Variants in SH3KBP1 observed in about 807,000 individuals in gnomAD.
SH3KBP1 encodes the protein SH3 domain containing kinase binding protein 1.
SH3KBP1 carries 8 observed loss-of-function variants against 50.1 expected under a neutral mutation model. The ratio of observed to expected loss-of-function variants is 0.16; its 90% CI spans 0.09 to 0.29. The LOEUF (loss-of-function observed/expected upper bound fraction) is 0.29. Among genes scored for constraint, SH3KBP1 ranks in the 10% least tolerant of loss-of-function variants. The probability of loss-of-function intolerance (pLI) is 1.00; values close to 1 mark genes in which losing one functional copy is unlikely to be tolerated. For missense variants in SH3KBP1, 377 were observed against 535.2 expected, an observed-to-expected ratio of 0.70 and a Z score of 2.92; for synonymous variants, 227 against 218.6, an observed-to-expected ratio of 1.04 and a Z score of -0.34.
intron 6 of SH3KBP1, among the ~76,000 whole-genome samples, chrX:19,666,022 G>A (rs1353889648): frequency 9.2e-6 from 1 of 108,809 alleles, no homozygotes; most frequent in Non-Finnish European, 1.9e-5. Context: ...ATTAATACAA[G>A]TAAAGAACAA....
At chrX:19,703,303 A>G (rs2063568845) in intron 4 of SH3KBP1, among the ~76,000 whole-genome samples, 1 of 110,981 alleles carries the variant, frequency 9.0e-6, no homozygotes, top group Admixed American at 9.6e-5. Flanking sequence ...GGAGGGATAA[A>G]GGTAATGATC....
intron 1 of SH3KBP1, among the ~76,000 whole-genome samples, chrX:19,876,465 A>G (rs1033693923): frequency 1.2e-4 from 13 of 111,819 alleles, no homozygotes; most frequent in African/African-American, 4.2e-4. Flanking sequence ...AGGACAATAG[A>G]GCAGTCTCCT....
At chrX:19,875,574 G>A (rs926153540) in intron 1 of SH3KBP1, among the ~76,000 whole-genome samples, 1 of 112,437 alleles carries the variant, frequency 8.9e-6, no homozygotes, top group Admixed American at 9.3e-5. Flanking sequence ...GGCTTCATTT[G>A]GGTCCTCCAT....
intron 1 of SH3KBP1, among the ~76,000 whole-genome samples, chrX:19,860,833 T>A (rs986003986): frequency 9.0e-6 from 1 of 111,446 alleles, no homozygotes; most frequent in Non-Finnish European, 1.9e-5. Flanking sequence ...AGGACCTTAG[T>A]GGAAACCCTG....
At chrX:19,822,843 T>C (rs2067565099) in intron 2 of SH3KBP1, among the ~76,000 whole-genome samples, 1 of 112,407 alleles carries the variant, frequency 8.9e-6, no homozygotes, top group African/African-American at 3.2e-5. Context: ...GCTGCAGTTT[T>C]AACGATAGTT....
intron 8 of SH3KBP1, among the ~76,000 whole-genome samples, chrX:19,613,453 T>G (rs946303569): frequency 6.3e-5 from 7 of 111,991 alleles, no homozygotes. Context: ...TCTATTGGCA[T>G]GAACTCAGGG....
chrX:19,557,702 C>T (rs759398602), intron 13 of SH3KBP1, among the ~76,000 whole-genome samples: 17 of 111,609 alleles, frequency 1.5e-4, no homozygotes, highest in South Asian at 7.6e-4. Flanking sequence ...CTCACTTAAA[C>T]GCTCAGCCCA....
intron 2 of SH3KBP1, among the ~76,000 whole-genome samples, chrX:19,785,816 T>C (rs1183206003): frequency 9.0e-6 from 1 of 110,855 alleles, no homozygotes; most frequent in East Asian, 2.8e-4. Context: ...CTAAGTAGAA[T>C]AAGCCAGTCA....
chrX:19,754,470 C>A, intron 2 of SH3KBP1, among the ~76,000 whole-genome samples: 1 of 111,787 alleles, frequency 8.9e-6, no homozygotes, highest in East Asian at 2.8e-4. Context: ...GTGTTATGGG[C>A]AAGATGGCTG....
At chrX:19,541,081 A>AT (rs1338992068) in intron 16 of SH3KBP1, among the ~76,000 whole-genome samples, 1 of 110,212 alleles carries the variant, frequency 9.1e-6, no homozygotes, top group African/African-American at 3.3e-5. Context: ...CGCCCAACTA[A>AT]TTTTTTTGTA....
intron 13 of SH3KBP1, among the ~76,000 whole-genome samples, chrX:19,552,541 G>C (rs73631351): frequency 0.02 from 2,235 of 110,636 alleles, 58 homozygotes; most frequent in African/African-American, 0.069. Context: ...AACGGCCTTG[G>C]CTGGTAGCTA....
intron 2 of SH3KBP1, among the ~76,000 whole-genome samples, chrX:19,769,603 T>G (rs2065724648): frequency 9.0e-6 from 1 of 111,143 alleles, no homozygotes; most frequent in Non-Finnish European, 1.9e-5. Flanking sequence ...GTAGAAGATG[T>G]TTAATACAAT....
At chrX:19,564,570 C>T (rs933471077) in intron 13 of SH3KBP1, among the ~76,000 whole-genome samples, 2 of 109,106 alleles carry the variant, frequency 1.8e-5, no homozygotes, top group African/African-American at 6.7e-5. Context: ...CTCTCTCTCT[C>T]CCCCCCCTTC....
At chrX:19,549,162 G>A (rs1276528993) in intron 14 of SH3KBP1, among the ~76,000 whole-genome samples, 2 of 112,170 alleles carry the variant, frequency 1.8e-5, no homozygotes, top group Admixed American at 1.9e-4. Flanking sequence ...GGGGAGAAAG[G>A]CACACAACAG....
At chrX:19,789,803 G>A (rs759429531) in intron 2 of SH3KBP1, among the ~76,000 whole-genome samples, 1 of 109,990 alleles carries the variant, frequency 9.1e-6, no homozygotes, top group Non-Finnish European at 1.9e-5. Flanking sequence ...AGAACTATTT[G>A]ACCCCAGAGG....
At position 19,880,539 on chromosome X, in the gene SH3KBP1, T is replaced by A. The variant is rs187681769; in HGVS notation, c.4+6768A>T. 9.4e-3 allele frequency among the ~76,000 whole-genome samples: 1,054 copies of A among 111,918 alleles called. 13 individuals carry two copies. Among genetic ancestry groups the A allele is most frequent in the African/African-American group, 0.032 (985 of 30,402 alleles). ...TACACCTGCTATGGACCCACAAAAATTAAAAATAAAAAATGTTTTAAACAA... is the reference window on the plus strand; with the variant it reads ...TACACCTGCTATGGACCCACAAAAAATAAAAATAAAAAATGTTTTAAACAA... On this transcript the variant is annotated intron_variant, in intron 1 of 17. Transcript: ENST00000397821.
chrX:19,583,125 CATTATTATTATTATTATTATTATTATT>C (rs200762944), intron 12 of SH3KBP1, among the ~76,000 whole-genome samples: 1 of 95,163 alleles, frequency 1.1e-5, no homozygotes, highest in African/African-American at 3.7e-5. Context: ...TGCTAATACA[CATTATTATTATTATTATTATTATTATT>C]ATTATTATTA....
chrX:19,642,088 C>G (rs1012115983), intron 7 of SH3KBP1, among the ~76,000 whole-genome samples: 45 of 111,919 alleles, frequency 4.0e-4, no homozygotes, highest in African/African-American at 1.4e-3. Flanking sequence ...GAGATCCTCC[C>G]GCCTCGGCCC....
intron 16 of SH3KBP1, among the ~76,000 whole-genome samples, chrX:19,538,967 C>G (rs1166065194): frequency 8.9e-6 from 1 of 112,458 alleles, no homozygotes; most frequent in Non-Finnish European, 1.9e-5. Context: ...AAATCCTACA[C>G]AGTAAGTCCC....
Sources: gnomAD v4.1 joint callset for allele counts (sites outside exome capture counted in the v4.1 genomes callset) on GRCh38, gnomAD v4.1.1 for gene constraint, MANE v1.5 for transcripts, NCBI Gene and HGNC (gene_info 2026-07-23, HGNC 2026-07-21) for gene names.